Variants in PLCH2 observed in about 807,000 individuals in gnomAD.
The protein encoded by PLCH2 is 1-phosphatidylinositol 4,5-bisphosphate phosphodiesterase eta-2.
PLCH2 carries 98 observed loss-of-function variants against 134.7 expected under a neutral mutation model. That is an observed-to-expected ratio of 0.73 (90% CI 0.62 to 0.86). PLCH2 has a LOEUF of 0.86. Ranked by LOEUF, PLCH2 falls within the 40% of genes least tolerant of loss-of-function variation. PLCH2 has a pLI of 0.00. For synonymous variants in PLCH2, 974 were observed against 827.5 expected, an observed-to-expected ratio of 1.18 and a Z score of -3.04; for missense variants, 1,994 against 1,986.6, an observed-to-expected ratio of 1.00 and a Z score of -0.07.
intron 11 of PLCH2, chr1:2,493,343 G>C (rs1213391787): frequency 6.6e-6 from 1 of 152,228 alleles, no homozygotes; most frequent in Non-Finnish European, 1.5e-5. Flanking sequence ...GGCCCCGACC[G>C]GCTCCAGGCG....
chr1:2,441,598 A>G, intron 2 of PLCH2, among the ~76,000 whole-genome samples: 1 of 152,198 alleles, frequency 6.6e-6, no homozygotes, highest in East Asian at 1.9e-4. Context: ...CCTCCTGGGA[A>G]GGAGAGGGAG....
rs758061333 is a variant in PLCH2, at chr1:2,479,780, G to A, written c.318G>A (p.Glu106=). The A allele has an allele frequency of 8.8e-5, 137 of 1,562,962 alleles. No individual in the cohort carries two copies. Among genetic ancestry groups the A allele is most frequent in the Non-Finnish European group, 1.1e-4 (132 of 1,154,082 alleles). The change falls in exon 3 of 22, where the codon GAG becomes GAA. Residue 106 remains glutamate, a synonymous_variant. Transcript: ENST00000378486. The part of the protein sequence containing the change: ...IQEVSEGRQS[E]VFQRYPDGSF... ...AGGTGAGTGAGGGGCGGCAGTCGGA[G>A]GTCTTCCAGCGCTACCCTGACGGCA...
intron 2 of PLCH2, among the ~76,000 whole-genome samples, chr1:2,458,127 G>A (rs1225816706): frequency 6.6e-6 from 1 of 152,168 alleles, no homozygotes; most frequent in Non-Finnish European, 1.5e-5. Context: ...GCCTGTCCTC[G>A]GGAGCTCTGA....
rs375459857 is a variant in PLCH2, at chr1:2,491,330, C to A, written c.1654C>A (p.Arg552Ser). 6 of 1,612,466 alleles carry A rather than the reference C, an allele frequency of 3.7e-6. No individual in the cohort carries two copies. The highest frequency in any genetic ancestry group is 1.1e-5 in the South Asian group (1 of 90,966). ...STLSPSGKLG[R>S]KSKAEEDVES... is the part of the protein sequence containing the mutation. ...ACTGTCCCCATCTGGAAAGCTCGGA[C>A]GCAAGGTAGAGGCCAAAAAGGTGAC... Residue 552 changes from arginine (R) to serine (S), a missense_variant, in exon 11 of 22, where the codon CGC becomes AGC. This residue lies in a region of PLCH2 where 1,094 missense variants were observed against 1,234.3 expected (regional missense o/e 0.89). Transcript: ENST00000378486.
intron 2 of PLCH2, among the ~76,000 whole-genome samples, chr1:2,457,633 C>A (rs1270420460): frequency 6.6e-6 from 1 of 152,074 alleles, no homozygotes; most frequent in Non-Finnish European, 1.5e-5. Flanking sequence ...CAGCGACCTG[C>A]AGGCAGTCAG....
chr1:2,482,629 C>T (rs533133843), intron 4 of PLCH2, among the ~76,000 whole-genome samples: 15 of 152,296 alleles, frequency 9.8e-5, no homozygotes, highest in Admixed American at 9.8e-4. Context: ...GTGTGGCAGC[C>T]AGGGCTCTGC....
intron 19 of PLCH2, 104 bp downstream of exon 19, chr1:2,499,334 C>A: frequency 7.4e-7 from 1 of 1,343,356 alleles, no homozygotes; most frequent in Non-Finnish European, 1.0e-6. Flanking sequence ...TGGGCCTGCA[C>A]CTGGCACCAA....
intron 21 of PLCH2, 82 bp from the exon 22 acceptor site, chr1:2,503,840 T>G: frequency 1.6e-6 from 1 of 641,654 alleles, no homozygotes; most frequent in Non-Finnish European, 2.8e-6. Context: ...CTGATCCGAC[T>G]CCTCTCCGCC....
chr1:2,424,494 A>G (rs1219843823), upstream of PLCH2, among the ~76,000 whole-genome samples: 1 of 152,206 alleles, frequency 6.6e-6, no homozygotes, highest in Non-Finnish European at 1.5e-5. Flanking sequence ...TTTGGCTTAT[A>G]TCACTTAACT....
At chr1:2,502,564 G>C (rs1024602920) in intron 21 of PLCH2, 155 bp downstream of exon 21, 1 of 836,234 alleles carries the variant, frequency 1.2e-6, no homozygotes, top group Admixed American at 2.0e-5. Flanking sequence ...TGCAGAGGGA[G>C]CGGCCACCCA....
At chr1:2,502,498 C>T (rs557309783) in intron 21 of PLCH2, 89 bp downstream of exon 21, 384 of 1,287,796 alleles carry the variant, frequency 3.0e-4, no homozygotes, top group Admixed American at 1.0e-3. Flanking sequence ...CTGGGATGGC[C>T]GCCACATGCA....
At chr1:2,503,892 GCT>G (rs771743568) in intron 21 of PLCH2, 28 bp from the exon 22 acceptor site, 14 of 703,524 alleles carry the variant, frequency 2.0e-5, no homozygotes, top group African/African-American at 8.8e-5. Context: ...TCTCCCTCTG[GCT>G]CTCTCTCACT....
Position 2,436,297 on chromosome 1 carries a change from T to TC in PLCH2, c.115+5670dup, listed in dbSNP as rs201894215. ...TCCTCCTTCCTCCCTCCTCCTTTCC[T>TC]CCTTCTTCCCTCCTCCCTTCCTCCC... On this transcript the variant is annotated intron_variant, in intron 2 of 3. Coordinates refer to the PLCH2 transcript ENST00000609981. Among the ~76,000 whole-genome samples, 86 of 40,472 alleles carry TC rather than the reference T, an allele frequency of 2.1e-3. 2 individuals carry two copies. Among genetic ancestry groups the TC allele is most frequent in the African/African-American group, 5.7e-3 (55 of 9,578 alleles). 26.6% of individuals were successfully genotyped at this position (40,472 alleles called of 152,430 possible).
chr1:2,482,875 T>C (rs1642050492), intron 4 of PLCH2, among the ~76,000 whole-genome samples: 1 of 152,148 alleles, frequency 6.6e-6, no homozygotes, highest in Non-Finnish European at 1.5e-5. Context: ...GGGCCCTGGG[T>C]ACTCTCCTGT....
chr1:2,482,627 G>T (rs569752554), intron 4 of PLCH2, among the ~76,000 whole-genome samples: 2 of 152,174 alleles, frequency 1.3e-5, no homozygotes, highest in Non-Finnish European at 2.9e-5. Context: ...GCGTGTGGCA[G>T]CCAGGGCTCT....
chr1:2,444,865 C>T lies in PLCH2; in HGVS notation c.115+14236C>T, dbSNP rs890938330. ...GGGAGGCGGGGTCACGGTGCCCCAA[C>T]ACCCCTGACTTGGGGAGCCCATGGT... On this transcript the variant is annotated intron_variant, in intron 2 of 3. Coordinates refer to the PLCH2 transcript ENST00000609981. The surrounding 1 kb of genome is among the most constrained non-coding windows in gnomAD (Gnocchi z 4.6). 2.6e-5 allele frequency among the ~76,000 whole-genome samples: 4 copies of T among 152,082 alleles called. No individual in the cohort carries two copies. Among genetic ancestry groups the T allele is most frequent in the Non-Finnish European group, 5.9e-5 (4 of 68,008 alleles).
chr1:2,460,026 C>T (rs113534725), intron 2 of PLCH2, among the ~76,000 whole-genome samples: 1,739 of 152,328 alleles, frequency 0.011, 29 homozygotes, highest in African/African-American at 0.039. Flanking sequence ...CTGGGCCAAG[C>T]GCTCTTCTGC....
At chr1:2,467,724 C>T in intron 1 of PLCH2, 1 of 401,462 alleles carries the variant, frequency 2.5e-6, no homozygotes, top group Non-Finnish European at 4.4e-6. Context: ...AGCCCAGGAC[C>T]GGACCTGTTC....
chr1:2,489,926 G>A, intron 10 of PLCH2, 59 bp downstream of exon 10: 1 of 1,230,488 alleles, frequency 8.1e-7, no homozygotes, highest in Non-Finnish European at 1.2e-6. Flanking sequence ...AAGAACAGCT[G>A]TCCGTCCTTG....
Sources: gnomAD v4.1 joint callset for allele counts (sites outside exome capture counted in the v4.1 genomes callset) on GRCh38, gnomAD v4.1.1 for gene constraint, gnomAD v4.1.1 regional missense constraint, Gnocchi (gnomAD v3.1) non-coding constraint, MANE v1.5 for transcripts, NCBI Gene and HGNC (gene_info 2026-07-23, HGNC 2026-07-21) for gene names.